The following CHADL variants were observed in gnomAD, a reference collection of about 807,000 sequenced individuals.
CHADL encodes chondroadherin-like protein.
CHADL carries 48 observed loss-of-function variants against 52.1 expected under a neutral mutation model. The ratio of observed to expected loss-of-function variants is 0.92; its 90% confidence interval spans 0.73 to 1.17. The LOEUF (loss-of-function observed/expected upper bound fraction) is 1.17. CHADL is among the 50% of genes most tolerant of loss of function. CHADL has a pLI of 0.00. For synonymous variants in CHADL, 498 were observed against 511.2 expected (o/e 0.97, Z 0.35); for missense variants, 977 against 1,035.1 (o/e 0.94, Z 0.77).
chr22:41,237,325 C>A lies in CHADL; in HGVS notation c.1747G>T (p.Glu583Ter). Residue 583 changes from glutamate to a stop codon, truncating the protein, a stop_gained, in exon 3 of 6, where the codon GAG becomes TAG. Transcript: ENST00000216241. LOFTEE classifies it high-confidence loss of function. ...CCCTCCAAGGCCCCAGTGGGCACCT[C>A]TCGCAGCTGATTCCTGTCCAGGTGC... ...KLHLDRNQLR[E>*]VPTGALEGLP... is the part of the protein sequence containing the mutation. 6.4e-7 allele frequency: 1 copy of A among 1,550,686 alleles called. No individual in the cohort carries two copies. Among genetic ancestry groups the A allele is most frequent in the African/African-American group, 1.4e-5 (1 of 73,192 alleles).
intron 5 of CHADL, among the ~76,000 whole-genome samples, chr22:41,232,176 C>CA (rs916549200): frequency 4.9e-4 from 74 of 150,638 alleles, no homozygotes; most frequent in African/African-American, 1.5e-3. Context: ...ACTAAAAATA[C>CA]AAAAAATTAG....
intron 3 of CHADL, 21 bp downstream of exon 3, chr22:41,237,155 C>A: frequency 6.6e-7 from 1 of 1,521,088 alleles, no homozygotes; most frequent in Non-Finnish European, 8.9e-7. Context: ...GCACCAACCC[C>A]GCCAGATGCC....
chr22:41,238,609 C>T lies in CHADL; in HGVS notation c.463G>A (p.Gly155Arg). 1 of 1,544,786 alleles carries T rather than the reference C, an allele frequency of 6.5e-7. No individual in the cohort carries two copies. Among genetic ancestry groups the T allele is most frequent in the Middle Eastern group, 1.7e-4 (1 of 5,924 alleles). ...ALEELRPGTF[G>R]ALGALATLNL... is the part of the protein sequence containing the mutation. ...AGCGTGGCCAGCGCACCCAGTGCCCCGAACGTCCCCGGCCGCAGCTCCTCC... is the reference window on the plus strand; with the variant it reads ...AGCGTGGCCAGCGCACCCAGTGCCCTGAACGTCCCCGGCCGCAGCTCCTCC... The change falls in exon 3 of 6, where the codon GGG becomes AGG. Residue 155 changes from glycine (G) to arginine (R), a missense_variant. Physicochemically the swap from Gly to Arg is moderately radical, Grantham distance 125. Transcript: ENST00000216241. The surrounding 1 kb of genome is among the most constrained non-coding windows in gnomAD (Gnocchi z 4.9).
chr22:41,236,439 G>A (rs764703229), intron 4 of CHADL, 45 bp downstream of exon 4: 2 of 1,517,210 alleles, frequency 1.3e-6, no homozygotes, highest in African/African-American at 2.8e-5. Flanking sequence ...TTGACTGAGA[G>A]TGGCTGGGTG....
chr22:41,229,657 G>A lies in CHADL; in HGVS notation c.*47C>T, dbSNP rs1251512489. On this transcript the variant is annotated 3_prime_UTR_variant, in exon 6 of 6. Transcript: ENST00000216241. ...TCGTCGGAGCCTGTTCCTGGCGAGAGTAAGAGCCACCGGGCTGGGTCAAGG... is the reference window on the plus strand; with the variant it reads ...TCGTCGGAGCCTGTTCCTGGCGAGAATAAGAGCCACCGGGCTGGGTCAAGG... The A allele has an allele frequency of 6.2e-7, 1 of 1,613,382 alleles. No individual in the cohort carries two copies. Among genetic ancestry groups the A allele is most frequent in the Non-Finnish European group, 8.5e-7 (1 of 1,180,018 alleles).
rs753907606 is a variant in CHADL, at chr22:41,238,897, G to A, written c.187-12C>T. ...AGCCGCTGGGTCAGCTGGGGACAGC[G>A]AGGAGAAAGTGGGGCTGAGCCAGGC... On this transcript the variant is annotated splice_polypyrimidine_tract_variant and intron_variant, in intron 2 of 5. Transcript: ENST00000216241. The surrounding 1 kb of genome is among the most constrained non-coding windows in gnomAD (Gnocchi z 4.9). 1.8e-5 allele frequency: 28 copies of A among 1,522,342 alleles called. No homozygotes were observed. The South Asian group carries it at 2.3e-4, about 13-fold the overall frequency. The allele number at this position is 1,522,342 out of a possible 1,614,324, so 94.3% of individuals were successfully genotyped here. A position where few individuals can be genotyped will look rare whatever the true frequency, so the allele number is the denominator to read the frequency against.
chr22:41,230,079 G>GA, intron 5 of CHADL: 2 of 532,748 alleles, frequency 3.8e-6, no homozygotes, highest in South Asian at 3.4e-5. Flanking sequence ...CAGCTCCTCC[G>GA]CCCCCACCCC....
At position 41,238,141 on chromosome 22, in the gene CHADL, G is replaced by C. The variant is rs2032783698; in HGVS notation, c.931C>G (p.Pro311Ala). The part of the protein sequence containing the change: ...QLRRLRLQGN[P>A]LWCGCQARPL... ...CGCGCCTGGCAGCCGCACCACAGCG[G>C]ATTCCCCTGCAGCCGCAGCCGGCGC... Residue 311 changes from proline to alanine, a missense_variant, in exon 3 of 6, where the codon CCG (proline) becomes GCG (alanine). Coordinates refer to ENST00000216241, the MANE Select transcript of CHADL (RefSeq NM_138481.2). The surrounding 1 kb of genome is among the most constrained non-coding windows in gnomAD (Gnocchi z 4.9). 7.0e-7 allele frequency: 1 copy of C among 1,424,806 alleles called. No individual in the cohort carries two copies. Among genetic ancestry groups the C allele is most frequent in the South Asian group, 1.4e-5 (1 of 69,044 alleles). 88.3% of individuals were successfully genotyped at this position (1,424,806 alleles called of 1,614,324 possible).
Position 41,237,740 on chromosome 22 carries a change from G to T in CHADL, c.1332C>A (p.Ala444=). 6.5e-7 allele frequency: 1 copy of T among 1,539,898 alleles called. No homozygotes were observed. The highest frequency in any genetic ancestry group is 8.8e-7 in the Non-Finnish European group (1 of 1,142,488). Residue 444 remains alanine, a synonymous_variant, in exon 3 of 6, where the codon GCC becomes GCA. Coordinates refer to ENST00000216241, the MANE Select transcript of CHADL (RefSeq NM_138481.2). Reference sequence around the variant, plus strand: ...ACACCAGGTGGCCCAGGCCGGGGAAGGCCGCTCGGGGCACCGAGGGGAAGT... The same window carrying T: ...ACACCAGGTGGCCCAGGCCGGGGAATGCCGCTCGGGGCACCGAGGGGAAGT... The part of the protein sequence containing the change: ...RNHFPSVPRA[A]FPGLGHLVSL...
chr22:41,229,525 C>A lies in CHADL; in HGVS notation c.*179G>T, dbSNP rs763350464. 1.9e-6 allele frequency: 3 copies of A among 1,603,664 alleles called. No individual in the cohort carries two copies. In the Admixed American group the frequency reaches 5.0e-5, roughly 27 times the overall value. On this transcript the variant is annotated 3_prime_UTR_variant, in exon 6 of 6. Transcript: ENST00000216241. ...ACAACCCTAATGCTGGGTTTGAATC[C>A]ATTTTTATTCAAAGGGAAAAGAATC...
intron 5 of CHADL, among the ~76,000 whole-genome samples, chr22:41,234,394 TA>T (rs1464082995): frequency 6.8e-6 from 1 of 147,300 alleles, no homozygotes; most frequent in African/African-American, 2.6e-5. Context: ...TTATTATTAT[TA>T]TTATTGAGAC....
Position 41,238,709 on chromosome 22 carries a change from G to A in CHADL, c.363C>T (p.His121=), listed in dbSNP as rs1601560429. The change falls in exon 3 of 6, where the codon CAC becomes CAT. Residue 121 remains histidine, a synonymous_variant. Transcript: ENST00000216241. This position sits in a 1 kb window ranked among gnomAD's most constrained non-coding sequence, Gnocchi z 4.9. The part of the protein sequence containing the change: ...RLLLLNLASN[H]LRELPQEALD... ...GCGCCTCCTGGGGCAGCTCACGCAG[G>A]TGGTTGGAGGCCAGGTTGAGCAGGA... 1 of 1,547,804 alleles carries A rather than the reference G, an allele frequency of 6.5e-7. No homozygotes were observed.
rs2032717206 is a variant in CHADL, at chr22:41,235,224, C to T, written c.2183G>A (p.Arg728Lys). ...VFEDCPGWAA[R>K]KAKRTPASRP... ...GGAGGCTGGTGTCCGCTTGGCCTTT[C>T]TGGCAGCCCAGCCCGGGCAGTCTTC... Residue 728 changes from arginine to lysine, a missense_variant, in exon 5 of 6, where the codon AGA (arginine) becomes AAA (lysine). Coordinates refer to ENST00000216241, the MANE Select transcript of CHADL (RefSeq NM_138481.2). 5.2e-6 allele frequency: 8 copies of T among 1,551,420 alleles called. No homozygotes were observed. Among genetic ancestry groups the T allele is most frequent in the Non-Finnish European group, 7.0e-6 (8 of 1,147,024 alleles).
Position 41,238,397 on chromosome 22 carries a change from G to C in CHADL, c.675C>G (p.Val225=). 1 of 1,510,384 alleles carries C rather than the reference G, an allele frequency of 6.6e-7. No homozygotes were observed. The highest frequency in any genetic ancestry group is 8.8e-7 in the Non-Finnish European group (1 of 1,133,454). The allele number at this position is 1,510,384 out of a possible 1,614,324, so 93.6% of individuals were successfully genotyped here. The change falls in exon 3 of 6, where the codon GTC becomes GTG. Residue 225 remains valine, a synonymous_variant. Transcript: ENST00000216241. This position sits in a 1 kb window ranked among gnomAD's most constrained non-coding sequence, Gnocchi z 4.9. ...GGGCCAGGCCGCGGGCCTGGGACAAGACAGGCCCGGGCAGAGCCTGGAGCT... is the reference window on the plus strand; with the variant it reads ...GGGCCAGGCCGCGGGCCTGGGACAACACAGGCCCGGGCAGAGCCTGGAGCT... ...HNELQALPGP[V]LSQARGLARL...
At position 41,238,382 on chromosome 22, in the gene CHADL, G is replaced by C; in HGVS notation, c.690C>G (p.Arg230=). The change falls in exon 3 of 6, where the codon CGC becomes CGG. Residue 230 remains arginine, a synonymous_variant. Transcript: ENST00000216241. This position sits in a 1 kb window ranked among gnomAD's most constrained non-coding sequence, Gnocchi z 4.9. The part of the protein sequence containing the change: ...ALPGPVLSQA[R]GLARLELGHN... ...GGCCCAGCTCCAGACGGGCCAGGCC[G>C]CGGGCCTGGGACAAGACAGGCCCGG... 6.7e-7 allele frequency: 1 copy of C among 1,496,272 alleles called. No homozygotes were observed. The highest frequency in any genetic ancestry group is 8.9e-7 in the Non-Finnish European group (1 of 1,128,212). 92.7% of individuals were successfully genotyped at this position (1,496,272 alleles called of 1,614,324 possible). A position where few individuals can be genotyped will look rare whatever the true frequency, so the allele number is the denominator to read the frequency against.
In CHADL at chr22:41,237,803, G is replaced by A. The variant is rs2032773898; in HGVS notation, c.1269C>T (p.Phe423=). 7 of 1,497,970 alleles carry A rather than the reference G, an allele frequency of 4.7e-6. No homozygotes were observed. Among genetic ancestry groups the A allele is most frequent in the Non-Finnish European group, 6.2e-6 (7 of 1,124,736 alleles). The allele number at this position is 1,497,970 out of a possible 1,614,324, so 92.8% of individuals were successfully genotyped here. ...GGTCCAGGAGCTGGGTGTCGCTGGG[G>A]AAGCCGCGGGGCACCGCCTGCAGGC... ...GCGLQAVPRG[F]PSDTQLLDLR... Residue 423 remains phenylalanine, a synonymous_variant, in exon 3 of 6, where the codon TTC becomes TTT. Coordinates refer to ENST00000216241, the MANE Select transcript of CHADL (RefSeq NM_138481.2).
In CHADL at chr22:41,237,612, C is replaced by G. The variant is rs1396715288; in HGVS notation, c.1460G>C (p.Gly487Ala). ...CCCTTCAAGGGCAGCAGCGCTGAGG[C>G]CTGCGAGCTGGTTGTCGGAGAGGTA... Reference protein sequence around the residue: ...YLYLSDNQLAGLSAAALEGAP... With the variant: ...YLYLSDNQLAALSAAALEGAP... Residue 487 changes from glycine to alanine, a missense_variant, in exon 3 of 6, where the codon GGC (glycine) becomes GCC (alanine). Transcript: ENST00000216241. 6.4e-7 allele frequency: 1 copy of G among 1,550,448 alleles called. No individual in the cohort carries two copies. Among genetic ancestry groups the G allele is most frequent in the East Asian group, 2.4e-5 (1 of 40,910 alleles).
At position 41,238,213 on chromosome 22, in the gene CHADL, C is replaced by A. The variant is rs1441229636; in HGVS notation, c.859G>T (p.Gly287Trp). 1 of 1,524,802 alleles carries A rather than the reference C, an allele frequency of 6.6e-7. No homozygotes were observed. The highest frequency in any genetic ancestry group is 2.0e-5 in the Admixed American group (1 of 50,496). 94.5% of individuals were successfully genotyped at this position (1,524,802 alleles called of 1,614,324 possible). A position where few individuals can be genotyped will look rare whatever the true frequency, so the allele number is the denominator to read the frequency against. The change falls in exon 3 of 6, where the codon GGG (glycine) becomes TGG (tryptophan). Residue 287 changes from glycine to tryptophan, a missense_variant. Transcript: ENST00000216241. This position sits in a 1 kb window ranked among gnomAD's most constrained non-coding sequence, Gnocchi z 4.9. Reference protein sequence around the residue: ...CPRLHTLDLRGNQLDTLPPLQ... With the variant: ...CPRLHTLDLRWNQLDTLPPLQ... ...GGGGGCAGGGTGTCTAGCTGGTTCC[C>A]GCGGAGGTCGAGGGTGTGCAGGCGC...
chr22:41,234,335 C>T (rs2032694307), intron 5 of CHADL, among the ~76,000 whole-genome samples: 1 of 151,446 alleles, frequency 6.6e-6, no homozygotes, highest in South Asian at 2.1e-4. Flanking sequence ...GAGGTGGGGG[C>T]AGGGAGGAGG....
Sources: allele counts gnomAD v4.1 joint callset (sites outside exome capture counted in the v4.1 genomes callset), GRCh38; gene constraint gnomAD v4.1.1; non-coding constraint Gnocchi (gnomAD v3.1); transcripts MANE v1.5; gene names NCBI Gene and HGNC (gene_info 2026-07-23, HGNC 2026-07-21).